Variants in VAV1 observed in about 807,000 individuals in gnomAD.
VAV1 encodes proto-oncogene vav.
A neutral mutation model predicts 128.1 loss-of-function variants in VAV1; 33 were observed. The observed-to-expected ratio is 0.26, with a 90% CI of 0.20 to 0.34. The LOEUF is 0.34. Ranked by LOEUF, VAV1 falls within the 10% of genes least tolerant of loss-of-function variation. The pLI is 1.00. For missense variants in VAV1, 715 were observed against 1,093.7 expected (o/e 0.65, Z 4.88); for synonymous variants, 394 against 409.8 (o/e 0.96, Z 0.47).
Position 6,800,656 on chromosome 19 carries a change from G to A in VAV1, c.205-20046G>A, listed in dbSNP as rs111398183. 4.2e-3 allele frequency among the ~76,000 whole-genome samples: 628 copies of A among 148,002 alleles called. 1 individual carries two copies. The highest frequency in any genetic ancestry group is 0.015 in the African/African-American group (598 of 39,934). ...TTTTTTGTTTTTTTGAGACATCCTC[G>A]GTCTGTTGCCCAGGCTGTGCAGTGG... On this transcript the variant is annotated intron_variant, in intron 1 of 26. Transcript: ENST00000602142.
chr19:6,782,700 A>C (rs1484330071), intron 1 of VAV1, among the ~76,000 whole-genome samples: 1 of 152,040 alleles, frequency 6.6e-6, no homozygotes, highest in African/African-American at 2.4e-5. Flanking sequence ...GGCAACATAC[A>C]AGATCCCCAT....
At chr19:6,845,246 A>T (rs761714540) in intron 22 of VAV1, among the ~76,000 whole-genome samples, 1 of 152,050 alleles carries the variant, frequency 6.6e-6, no homozygotes. Context: ...TTAGCTGGGC[A>T]TGGTGGCGCA....
chr19:6,847,873 T>C (rs956102119), intron 22 of VAV1, 125 bp from the exon 23 acceptor site: 31 of 847,228 alleles, frequency 3.7e-5, no homozygotes, highest in Admixed American at 7.1e-5. Flanking sequence ...GAAGGGCTGT[T>C]AGAGCCAGGC....
intron 19 of VAV1, 172 bp from the exon 20 acceptor site, chr19:6,836,260 A>C (rs308196): frequency 0.88 from 705,197 of 804,732 alleles, 310,089 homozygotes; most frequent in Non-Finnish European, 0.9. Context: ...AAATAGTTTT[A>C]CAAAGAGTAT....
intron 22 of VAV1, among the ~76,000 whole-genome samples, chr19:6,847,303 G>A (rs568629334): frequency 1.3e-3 from 204 of 152,046 alleles, no homozygotes; most frequent in South Asian, 2.5e-3. Flanking sequence ...ACCCCATCCC[G>A]GGCAGTTGCT....
intron 19 of VAV1, chr19:6,836,163 C>G (rs955367257): frequency 6.2e-6 from 2 of 322,582 alleles, no homozygotes; most frequent in African/African-American, 2.2e-5. Context: ...CATGAGCCAC[C>G]GTGCCCAGCC....
intron 1 of VAV1, among the ~76,000 whole-genome samples, chr19:6,786,988 CA>C (rs1461239800): frequency 6.6e-6 from 1 of 151,158 alleles, no homozygotes; most frequent in East Asian, 1.9e-4. Flanking sequence ...TTAACCAATA[CA>C]CGGTCAGGCC....
In VAV1 at chr19:6,822,227, G is replaced by T; in HGVS notation, c.456G>T (p.Thr152=). The T allele has an allele frequency of 6.3e-7, 1 of 1,580,682 alleles. No individual in the cohort carries two copies. Among genetic ancestry groups the T allele is most frequent in the African/African-American group, 1.3e-5 (1 of 74,778 alleles). Residue 152 remains threonine, a synonymous_variant, in exon 5 of 27, where the codon ACG becomes ACT. Transcript: ENST00000602142. This position sits in a 1 kb window ranked among gnomAD's most constrained non-coding sequence, Gnocchi z 5.9. ...CTGACCTCACAACCCACAGCGACAC[G>T]GTGGAGGAGGATGAGGACCTGTATG... ...YSGLSDQIDD[T]VEEDEDLYDC...
intron 4 of VAV1, 28 bp downstream of exon 4, chr19:6,821,887 G>C: frequency 6.2e-7 from 1 of 1,613,866 alleles, no homozygotes. Flanking sequence ...TGGCCGCACA[G>C]CTCACTGGAG....
rs1396670454 is a variant in VAV1, at chr19:6,828,607, CT to C, written c.1093-14del. 2 of 1,613,780 alleles carry C rather than the reference CT, an allele frequency of 1.2e-6. No homozygotes were observed. The highest frequency in any genetic ancestry group is 1.7e-6 in the Non-Finnish European group (2 of 1,179,910). The stretch of plus-strand genomic sequence containing the variant: ...GGCTGTTGGGGGGCCAGGTTCACCC[CT>C]GCCCCCTCCCCAGGACCTGGCTCAG... On this transcript the variant is annotated splice_polypyrimidine_tract_variant and intron_variant, in intron 11 of 26. Transcript: ENST00000602142. The surrounding 1 kb of genome is among the most constrained non-coding windows in gnomAD (Gnocchi z 4.5).
At position 6,850,723 on chromosome 19, in the gene VAV1, G is replaced by A. The variant is rs761409372; in HGVS notation, c.2183G>A (p.Arg728Gln). ...ATCATGACAGCAGAAGGACTGTACC[G>A]GATCACAGAGAAAAAGGCTTTCCGG... ...IKIMTAEGLY[R>Q]ITEKKAFRGL... The change falls in exon 24 of 27, where the codon CGG becomes CAG. Residue 728 changes from arginine to glutamine, a missense_variant. Coordinates refer to ENST00000602142, the MANE Select transcript of VAV1 (RefSeq NM_005428.4). The A allele has an allele frequency of 8.1e-6, 13 of 1,614,006 alleles. No individual in the cohort carries two copies. The highest frequency in any genetic ancestry group is 2.2e-5 in the East Asian group (1 of 44,856).
chr19:6,853,529 G>A (rs1972717832), intron 25 of VAV1, among the ~76,000 whole-genome samples: 1 of 151,664 alleles, frequency 6.6e-6, no homozygotes. Context: ...TTCAAGACCA[G>A]CCTGGCCAAC....
At position 6,798,115 on chromosome 19, in the gene VAV1, A is replaced by G. The variant is rs144625519; in HGVS notation, c.205-22587A>G. Among the ~76,000 whole-genome samples, 13 of 152,020 alleles carry G rather than the reference A, an allele frequency of 8.6e-5. 1 individual carries two copies. Among genetic ancestry groups the G allele is most frequent in the African/African-American group, 2.7e-4 (11 of 41,456 alleles). On this transcript the variant is annotated intron_variant, in intron 1 of 26. Coordinates refer to ENST00000602142, the MANE Select transcript of VAV1 (RefSeq NM_005428.4). ...AACATGGTGAGACCCTGTCTGTACT[A>G]AAAATACAGAAATTAGCCAGGCATG...
chr19:6,790,964 C>T (rs1971005300), intron 1 of VAV1, among the ~76,000 whole-genome samples: 1 of 152,194 alleles, frequency 6.6e-6, no homozygotes, highest in African/African-American at 2.4e-5. Context: ...AGCTAGTCCT[C>T]AATCTGGTCC....
chr19:6,781,270 C>G (rs1456163687), intron 1 of VAV1, among the ~76,000 whole-genome samples: 3 of 152,146 alleles, frequency 2.0e-5, no homozygotes, highest in African/African-American at 7.2e-5. Context: ...GCTAGCCAAT[C>G]TTTGTGTTTT....
intron 24 of VAV1, among the ~76,000 whole-genome samples, chr19:6,852,035 A>T (rs1483235313): frequency 1.3e-5 from 2 of 152,288 alleles, no homozygotes; most frequent in Admixed American, 1.3e-4. Flanking sequence ...AATACAAGAG[A>T]CAGGGTCTTG....
intron 13 of VAV1, among the ~76,000 whole-genome samples, chr19:6,829,393 C>T (rs1426645340): frequency 6.6e-6 from 1 of 151,252 alleles, no homozygotes; most frequent in Non-Finnish European, 1.5e-5. Context: ...TGGGTGGAGC[C>T]AACACAGATC....
Position 6,836,421 on chromosome 19 carries a change from C to T in VAV1, c.1778-11C>T, listed in dbSNP as rs770625517. 1.6e-5 allele frequency: 26 copies of T among 1,613,704 alleles called. No individual in the cohort carries two copies. In the Admixed American group the frequency reaches 1.7e-4, roughly 10 times the overall value. ...GCCAACCACCCTGTACTCCTGTACC[C>T]TGTCCTCCAGGTCTGCCCAAGATGG... is the stretch of plus-strand genomic sequence containing the variant. On this transcript the variant is annotated splice_polypyrimidine_tract_variant and intron_variant, in intron 19 of 26. Coordinates refer to ENST00000602142, the MANE Select transcript of VAV1 (RefSeq NM_005428.4).
chr19:6,842,878 A>C (rs1025339091), intron 21 of VAV1, among the ~76,000 whole-genome samples: 4 of 152,136 alleles, frequency 2.6e-5, no homozygotes, highest in Non-Finnish European at 5.9e-5. Context: ...ACCATCTAAA[A>C]ATGTAAAAAC....
Sources: gnomAD v4.1 joint callset for allele counts (sites outside exome capture counted in the v4.1 genomes callset) on GRCh38, gnomAD v4.1.1 for gene constraint, Gnocchi (gnomAD v3.1) non-coding constraint, MANE v1.5 for transcripts, NCBI Gene and HGNC (gene_info 2026-07-23, HGNC 2026-07-21) for gene names.